The following ADARB2 variants were observed in gnomAD, a reference collection of about 807,000 sequenced individuals.
The protein encoded by ADARB2 is inactive double-stranded RNA-specific editase B2.
ADARB2 carries 25 observed loss-of-function variants against 62.2 expected under a neutral mutation model. The ratio of observed to expected loss-of-function variants is 0.40; its 90% CI spans 0.29 to 0.56. The LOEUF (loss-of-function observed/expected upper bound fraction) is 0.56. ADARB2 is among the 20% of genes least tolerant of loss of function. The probability of loss-of-function intolerance (pLI) is 0.43; values close to 1 mark genes in which losing one functional copy is unlikely to be tolerated. For synonymous variants in ADARB2, 572 were observed against 500.8 expected (o/e 1.14, Z -1.90); for missense variants, 1,071 against 1,077.4 (o/e 0.99, Z 0.08).
At chr10:1,558,479 C>G (rs1279104170) in intron 1 of ADARB2, among the ~76,000 whole-genome samples, 1 of 123,356 alleles carries the variant, frequency 8.1e-6, no homozygotes, top group East Asian at 2.4e-4. Flanking sequence ...TCCGTGGGTG[C>G]TCAGCCCCCA....
intron 1 of ADARB2, among the ~76,000 whole-genome samples, chr10:1,575,308 A>G (rs572869917): frequency 2.0e-5 from 3 of 152,370 alleles, no homozygotes; most frequent in African/African-American, 7.2e-5. Context: ...ATTAAAAGCC[A>G]GTCTGCTCAG....
At chr10:1,413,356 C>T (rs772769457) in intron 1 of ADARB2, among the ~76,000 whole-genome samples, 6 of 152,092 alleles carry the variant, frequency 3.9e-5, no homozygotes, top group Non-Finnish European at 7.4e-5. Context: ...CGTCGGGTCT[C>T]GCAGAATGGA....
At chr10:1,543,283 A>G (rs1832467537) in intron 1 of ADARB2, among the ~76,000 whole-genome samples, 1 of 152,248 alleles carries the variant, frequency 6.6e-6, no homozygotes, top group African/African-American at 2.4e-5. Flanking sequence ...AACTTCAAAG[A>G]GTTGCCTGTG....
At chr10:1,221,177 T>C (rs1015176927) in intron 6 of ADARB2, among the ~76,000 whole-genome samples, 1 of 152,160 alleles carries the variant, frequency 6.6e-6, no homozygotes, top group Non-Finnish European at 1.5e-5. Flanking sequence ...TGTAGTGGAT[T>C]TAGAGTGTGC....
chr10:1,503,708 A>G (rs1468873963), intron 1 of ADARB2, among the ~76,000 whole-genome samples: 1 of 152,108 alleles, frequency 6.6e-6, no homozygotes, highest in African/African-American at 2.4e-5. Flanking sequence ...TTTCTCATGA[A>G]TGGTTTAGCA....
chr10:1,387,210 A>G (rs535460020), intron 1 of ADARB2, among the ~76,000 whole-genome samples: 1 of 152,090 alleles, frequency 6.6e-6, no homozygotes, highest in East Asian at 1.9e-4. Context: ...CAGAAGCTAA[A>G]AAAAGAGAGT....
intron 1 of ADARB2, among the ~76,000 whole-genome samples, chr10:1,382,411 A>G (rs1002265815): frequency 1.3e-5 from 2 of 152,230 alleles, no homozygotes; most frequent in African/African-American, 4.8e-5. Context: ...AAGCTCTGGG[A>G]GAGAAGCAAT....
At chr10:1,558,433 T>C (rs1250475803) in intron 1 of ADARB2, among the ~76,000 whole-genome samples, 2 of 96,140 alleles carry the variant, frequency 2.1e-5, no homozygotes, top group Non-Finnish European at 2.0e-5. Flanking sequence ...AGCACCCCCA[T>C]GCCCCATCTA....
At chr10:1,418,691 G>A (rs888376445) in intron 1 of ADARB2, among the ~76,000 whole-genome samples, 9 of 152,176 alleles carry the variant, frequency 5.9e-5, no homozygotes, top group Admixed American at 2.6e-4. Context: ...TGACTATCCA[G>A]ACTATTTCCT....
chr10:1,369,222 G>C (rs942732173), intron 2 of ADARB2, among the ~76,000 whole-genome samples: 5 of 152,054 alleles, frequency 3.3e-5, no homozygotes, highest in Non-Finnish European at 7.3e-5. Context: ...CTCAGTCATC[G>C]TATATAAAAA....
chr10:1,347,669 G>A (rs1051169795), intron 3 of ADARB2, among the ~76,000 whole-genome samples: 2 of 152,274 alleles, frequency 1.3e-5, no homozygotes, highest in East Asian at 1.9e-4. Context: ...GTAAGACCAC[G>A]GGTGCCTCGA....
At chr10:1,197,033 A>G (rs893682169) in intron 8 of ADARB2, among the ~76,000 whole-genome samples, 1 of 152,234 alleles carries the variant, frequency 6.6e-6, no homozygotes, top group African/African-American at 2.4e-5. Context: ...TATTTCTGTA[A>G]TGCTTATGTG....
At chr10:1,523,812 T>C (rs1430386486) in intron 1 of ADARB2, among the ~76,000 whole-genome samples, 1 of 152,236 alleles carries the variant, frequency 6.6e-6, no homozygotes, top group Non-Finnish European at 1.5e-5. Context: ...CATTTTCTAA[T>C]CTGTCATCCT....
chr10:1,518,325 C>T (rs867980364), intron 1 of ADARB2, among the ~76,000 whole-genome samples: 2 of 152,200 alleles, frequency 1.3e-5, no homozygotes, highest in Non-Finnish European at 2.9e-5. Flanking sequence ...CCCACACAAG[C>T]GATGACTTCT....
At chr10:1,301,561 T>G (rs1589184954) in intron 3 of ADARB2, among the ~76,000 whole-genome samples, 2 of 80,130 alleles carry the variant, frequency 2.5e-5, no homozygotes, top group South Asian at 1.3e-3. Context: ...TTCTCTCTTC[T>G]CTCTCTCTCT....
intron 7 of ADARB2, 127 bp downstream of exon 7, chr10:1,216,824 G>T: frequency 1.6e-6 from 2 of 1,257,870 alleles, no homozygotes; most frequent in Non-Finnish European, 2.2e-6. Context: ...CACGGCTCAG[G>T]CACAGGGCCC....
intron 1 of ADARB2, among the ~76,000 whole-genome samples, chr10:1,647,774 G>T (rs1325627605): frequency 6.6e-6 from 1 of 151,280 alleles, no homozygotes; most frequent in Non-Finnish European, 1.5e-5. Context: ...TATGTGTGGT[G>T]TGTGTATATA....
intron 1 of ADARB2, among the ~76,000 whole-genome samples, chr10:1,413,285 C>A (rs1036631791): frequency 1.3e-5 from 2 of 152,138 alleles, no homozygotes; most frequent in Non-Finnish European, 1.5e-5. Context: ...GCCAATGTCC[C>A]AGCCCCAATC....
chr10:1,484,050 T>C (rs1360223966), intron 1 of ADARB2, among the ~76,000 whole-genome samples: 1 of 152,218 alleles, frequency 6.6e-6, no homozygotes, highest in African/African-American at 2.4e-5. Context: ...CCTATACTTC[T>C]TGTTCAACGA....
Sources: allele counts gnomAD v4.1 joint callset (sites outside exome capture counted in the v4.1 genomes callset), GRCh38; gene constraint gnomAD v4.1.1; transcripts MANE v1.5; gene names NCBI Gene and HGNC (gene_info 2026-07-23, HGNC 2026-07-21).